STXBP6: variants seen among roughly 807,000 people sequenced by gnomAD.
STXBP6 encodes the protein syntaxin binding protein 6.
In STXBP6, 21 loss-of-function variants were observed where a neutral mutation model predicts 26.9. The observed-to-expected ratio is 0.78, with a 90% CI of 0.55 to 1.12. The LOEUF is 1.12. STXBP6 is among the 50% of genes most tolerant of loss of function. STXBP6 has a pLI of 0.00. For synonymous variants in STXBP6, 97 were observed against 92.6 expected (o/e 1.05, Z -0.27); for missense variants, 232 against 257.9 (o/e 0.90, Z 0.69).
chr14:24,825,122 G>A (rs1440758861), intron 4 of STXBP6, among the ~76,000 whole-genome samples: 1 of 152,196 alleles, frequency 6.6e-6, no homozygotes, highest in Non-Finnish European at 1.5e-5. Flanking sequence ...AGGTACGGGT[G>A]AGAGCAGGAG....
At chr14:25,000,352 C>T (rs1404969575) in intron 1 of STXBP6, among the ~76,000 whole-genome samples, 1 of 150,276 alleles carries the variant, frequency 6.7e-6, no homozygotes, top group Non-Finnish European at 1.5e-5. Context: ...TGTGAGCCAC[C>T]GTGCCTGGCC....
chr14:24,989,545 T>A (rs1354130893), intron 1 of STXBP6, among the ~76,000 whole-genome samples: 7 of 152,220 alleles, frequency 4.6e-5, no homozygotes, highest in African/African-American at 1.4e-4. Context: ...ATATGCCAGC[T>A]GCTCTGATAA....
intron 1 of STXBP6, among the ~76,000 whole-genome samples, chr14:25,011,063 T>C (rs8009099): frequency 0.15 from 22,516 of 152,186 alleles, 1,881 homozygotes; most frequent in African/African-American, 0.22. Context: ...GCAGATTTAA[T>C]GTTGAGAAAA....
intron 1 of STXBP6, among the ~76,000 whole-genome samples, chr14:24,977,342 C>G (rs1035854932): frequency 1.3e-5 from 2 of 151,862 alleles, no homozygotes; most frequent in Admixed American, 1.3e-4. Context: ...CTTAGGAAAT[C>G]CTGTTCTTTT....
chr14:25,025,302 T>C (rs1234552909), intron 1 of STXBP6, among the ~76,000 whole-genome samples: 1 of 152,112 alleles, frequency 6.6e-6, no homozygotes, highest in Non-Finnish European at 1.5e-5. Flanking sequence ...GACATTTTGC[T>C]AAATGTTCCT....
chr14:24,810,971 A>T lies in STXBP6; in HGVS notation c.*1738T>A, dbSNP rs1415134152. 1 of 151,896 alleles carries T rather than the reference A, an allele frequency of 6.6e-6. No individual in the cohort carries two copies. Among genetic ancestry groups the T allele is most frequent in the African/African-American group, 2.4e-5 (1 of 41,370 alleles). 9.4% of individuals were successfully genotyped at this position (151,896 alleles called of 1,614,324 possible). A position where few individuals can be genotyped will look rare whatever the true frequency, so the allele number is the denominator to read the frequency against. ...TTTGGGGCTTTTCCTAGAAATTAAAATAGCTTCCAACGGTACTCACCAAAT... is the reference window on the plus strand; with the variant it reads ...TTTGGGGCTTTTCCTAGAAATTAAATTAGCTTCCAACGGTACTCACCAAAT... On this transcript the variant is annotated 3_prime_UTR_variant, in exon 6 of 6. Transcript: ENST00000323944.
intron 1 of STXBP6, among the ~76,000 whole-genome samples, chr14:24,979,369 T>C (rs1451623992): frequency 6.6e-6 from 1 of 152,212 alleles, no homozygotes; most frequent in African/African-American, 2.4e-5. Context: ...AGCATGCTGA[T>C]AACAAGTTTC....
chr14:24,875,937 A>G (rs779401101), intron 2 of STXBP6, among the ~76,000 whole-genome samples: 24 of 152,140 alleles, frequency 1.6e-4, no homozygotes, highest in Non-Finnish European at 2.9e-4. Context: ...GCGTTGAAAT[A>G]GTGGCAGGAT....
intron 2 of STXBP6, among the ~76,000 whole-genome samples, chr14:24,861,870 T>G (rs944587434): frequency 6.6e-6 from 1 of 152,196 alleles, no homozygotes; most frequent in Non-Finnish European, 1.5e-5. Flanking sequence ...ATGGTCAAGT[T>G]TGTCTCTGGG....
intron 5 of STXBP6, chr14:24,817,749 G>A (rs2068020813): frequency 3.8e-6 from 1 of 260,708 alleles, no homozygotes; most frequent in South Asian, 4.5e-5. Context: ...TGCACCAACA[G>A]CAGCAATCTG....
At chr14:24,970,944 A>C (rs527633058) in intron 2 of STXBP6, among the ~76,000 whole-genome samples, 1 of 152,358 alleles carries the variant, frequency 6.6e-6, no homozygotes, top group African/African-American at 2.4e-5. Flanking sequence ...TTAATCACAG[A>C]GGCATCTCAG....
At chr14:24,940,659 C>A (rs930994895) in intron 2 of STXBP6, among the ~76,000 whole-genome samples, 2 of 152,152 alleles carry the variant, frequency 1.3e-5, no homozygotes, top group African/African-American at 2.4e-5. Flanking sequence ...ATCTTCCTCC[C>A]TGACTCCACG....
At chr14:25,045,595 TTTTTC>T (rs1276180158) in intron 1 of STXBP6, among the ~76,000 whole-genome samples, 2 of 147,402 alleles carry the variant, frequency 1.4e-5, no homozygotes, top group Admixed American at 6.8e-5. Context: ...TCATACTTTT[TTTTTC>T]TTTTCTTTTT....
chr14:24,835,539 T>TAGCC (rs1338469223), intron 4 of STXBP6, among the ~76,000 whole-genome samples: 1 of 152,164 alleles, frequency 6.6e-6, no homozygotes, highest in Non-Finnish European at 1.5e-5. Context: ...TGAATAAAAT[T>TAGCC]AGCCACTTAA....
At chr14:24,915,211 TGA>T (rs1408152510) in intron 2 of STXBP6, among the ~76,000 whole-genome samples, 1 of 152,146 alleles carries the variant, frequency 6.6e-6, no homozygotes. Context: ...AGAGCACAAA[TGA>T]GATGGCTTTG....
intron 2 of STXBP6, among the ~76,000 whole-genome samples, chr14:24,931,323 C>T (rs1273506024): frequency 6.6e-6 from 1 of 151,542 alleles, no homozygotes. Context: ...CTACATGGCA[C>T]ATGTATACAT....
At chr14:24,872,014 T>C (rs2069953886) in intron 2 of STXBP6, among the ~76,000 whole-genome samples, 4 of 152,186 alleles carry the variant, frequency 2.6e-5, no homozygotes, top group Admixed American at 2.0e-4. Context: ...GCCTCCCGCA[T>C]ACCTTAGCAC....
chr14:24,989,898 T>C (rs1354275523), intron 1 of STXBP6, among the ~76,000 whole-genome samples: 3 of 152,190 alleles, frequency 2.0e-5, no homozygotes, highest in Non-Finnish European at 4.4e-5. Flanking sequence ...ACGTTAAGCA[T>C]GTACTGTGGT....
intron 2 of STXBP6, among the ~76,000 whole-genome samples, chr14:24,864,149 G>A (rs1179193489): frequency 1.3e-5 from 2 of 152,064 alleles, no homozygotes; most frequent in Non-Finnish European, 1.5e-5. Flanking sequence ...TCCATTCTTA[G>A]GCGAGATTTA....
Sources: gnomAD v4.1 joint callset for allele counts (sites outside exome capture counted in the v4.1 genomes callset) on GRCh38, gnomAD v4.1.1 for gene constraint, MANE v1.5 for transcripts, NCBI Gene and HGNC (gene_info 2026-07-23, HGNC 2026-07-21) for gene names.